The following SIGIRR variants were observed in gnomAD, a reference collection of about 807,000 sequenced individuals.
The protein encoded by SIGIRR is single Ig and TIR domain containing, also known as single Ig IL-1-related receptor.
SIGIRR carries 41 observed loss-of-function variants against 45.6 expected under a neutral mutation model. The ratio of observed to expected loss-of-function variants is 0.90; its 90% CI spans 0.70 to 1.17. The LOEUF (loss-of-function observed/expected upper bound fraction) is 1.17, where lower values mean the gene tolerates loss of function less well. Among genes scored for constraint, SIGIRR ranks in the 50% most tolerant of loss-of-function variants. The probability of loss-of-function intolerance (pLI) is 0.00; values close to 1 mark genes in which losing one functional copy is unlikely to be tolerated. For synonymous variants in SIGIRR, 298 were observed against 239.0 expected, an observed-to-expected ratio of 1.25 and a Z score of -2.28; for missense variants, 599 against 539.6, an observed-to-expected ratio of 1.11 and a Z score of -1.09.
rs535339172 is a variant in SIGIRR, at chr11:414,536, C to A, written c.-154+287G>T. On this transcript the variant is annotated intron_variant, in intron 1 of 9. Coordinates refer to ENST00000431843, the MANE Select transcript of SIGIRR (RefSeq NM_001135054.2). ...CACACTTCCTACCACACACACCTCC[C>A]ATTACCACTGCACACAGCTTAGGCT... 3.3e-5 allele frequency among the ~76,000 whole-genome samples: 5 copies of A among 152,226 alleles called. No homozygotes were observed. In the East Asian group the frequency reaches 9.7e-4, roughly 30 times the overall value.
At chr11:415,168 GC>G (rs1402007148), upstream of SIGIRR, among the ~76,000 whole-genome samples, 2 of 145,944 alleles carry the variant, frequency 1.4e-5, no homozygotes, top group Non-Finnish European at 3.0e-5. This position sits in a 1 kb window ranked among gnomAD's most constrained non-coding sequence, Gnocchi z 6.6. Flanking sequence ...TCTGGAGCCC[GC>G]CCCAACCCAC....
At chr11:410,745 G>GT (rs1847567663) in intron 1 of SIGIRR, among the ~76,000 whole-genome samples, 2 of 88,912 alleles carry the variant, frequency 2.2e-5, no homozygotes, top group East Asian at 3.6e-4. Context: ...GATGCAGTCG[G>GT]GGGGTGCCCA....
chr11:410,716 C>T (rs1299518975), intron 1 of SIGIRR, among the ~76,000 whole-genome samples: 1 of 91,064 alleles, frequency 1.1e-5, no homozygotes, highest in African/African-American at 4.7e-5. Context: ...AGGGGGTTGC[C>T]CAGCTCTGAC....
Position 407,111 on chromosome 11 carries a change from C to CCT in SIGIRR, c.678_679insAG (p.Val227ArgfsTer8). 2 of 1,538,460 alleles carry CCT rather than the reference C, an allele frequency of 1.3e-6. No individual in the cohort carries two copies. Among genetic ancestry groups the CCT allele is most frequent in the Admixed American group, 3.8e-5 (2 of 52,182 alleles). The stretch of plus-strand genomic sequence containing the variant: ...CGGCTCAGGAAGGCGTCCGAAAGCA[C>CCT]CACGATGAGGCGTCGGCAGCGGCTC... On this transcript the variant is annotated frameshift_variant, in exon 7 of 10. Coordinates refer to ENST00000431843, the MANE Select transcript of SIGIRR (RefSeq NM_001135054.2). LOFTEE classifies it high-confidence loss of function.
chr11:406,510 A>G lies in SIGIRR; in HGVS notation c.908T>C (p.Val303Ala), dbSNP rs773229744. ...VTPSSDFWKE[V>A]QLALPRKVQY... ...CACCTTCCGCGGCAGCGCCAGCTGCACTTCTTTCCAAAAATCGGAGGAAGG... is the reference window on the plus strand; with the variant it reads ...CACCTTCCGCGGCAGCGCCAGCTGCGCTTCTTTCCAAAAATCGGAGGAAGG... The change falls in exon 9 of 10, where the codon GTG becomes GCG. Residue 303 changes from valine (V) to alanine (A), a missense_variant. Coordinates refer to ENST00000431843, the MANE Select transcript of SIGIRR (RefSeq NM_001135054.2). 3.1e-6 allele frequency: 5 copies of G among 1,610,138 alleles called. No individual in the cohort carries two copies. Among genetic ancestry groups the G allele is most frequent in the Non-Finnish European group, 4.2e-6 (5 of 1,177,890 alleles).
rs1476228917 is a variant in SIGIRR, at chr11:407,806, G to A, written c.481+11C>T. 2 of 1,612,298 alleles carry A rather than the reference G, an allele frequency of 1.2e-6. No individual in the cohort carries two copies. Among genetic ancestry groups the A allele is most frequent in the Non-Finnish European group, 1.7e-6 (2 of 1,179,800 alleles). On this transcript the variant is annotated intron_variant, in intron 5 of 9. Transcript: ENST00000431843. The stretch of plus-strand genomic sequence containing the variant: ...GCGACCCCTCCTCGCGCCCACGCGG[G>A]CCCCACGCACCGTTTATCTCCACCT...
upstream of SIGIRR, among the ~76,000 whole-genome samples, chr11:416,251 C>T (rs1045037719): frequency 1.3e-5 from 2 of 152,150 alleles, no homozygotes; most frequent in African/African-American, 4.8e-5. The surrounding 1 kb of genome is among the most constrained non-coding windows in gnomAD (Gnocchi z 9.1). Context: ...TGGGGTCAGC[C>T]GCCAACTGTG....
Position 406,361 on chromosome 11 carries a change from C to G in SIGIRR, c.1057G>C (p.Glu353Gln). Residue 353 changes from glutamate (E) to glutamine (Q), a missense_variant, in exon 9 of 10, where the codon GAG becomes CAG. Coordinates refer to ENST00000431843, the MANE Select transcript of SIGIRR (RefSeq NM_001135054.2). ...TGGGCGGGCATACCCAGGTCGCCCT[C>G]AGGGTCCGGGTCCACCTCTGAGTCC... ...ALDSEVDPDP[E>Q]GDLGVRGPVF... is the part of the protein sequence containing the mutation. The G allele has an allele frequency of 6.2e-7, 1 of 1,612,492 alleles. No homozygotes were observed. The highest frequency in any genetic ancestry group is 1.3e-5 in the African/African-American group (1 of 75,054).
chr11:414,547 C>A (rs965164934), intron 1 of SIGIRR, among the ~76,000 whole-genome samples: 1 of 152,154 alleles, frequency 6.6e-6, no homozygotes, highest in Non-Finnish European at 1.5e-5. Context: ...ATTACCACTG[C>A]ACACAGCTTA....
chr11:408,711 G>A lies in SIGIRR; in HGVS notation c.190C>T (p.Leu64Phe), dbSNP rs540459944. 55 of 1,612,730 alleles carry A rather than the reference G, an allele frequency of 3.4e-5. 1 individual carries two copies. In the South Asian group the frequency reaches 5.7e-4, roughly 17 times the overall value. The stretch of plus-strand genomic sequence containing the variant: ...GTCTCTTACCAGGAGTACTCGTGGA[G>A]GCTGTAGTGGCCCCCAATTCCCAAT... The part of the protein sequence containing the change: ...LPLGIGGHYS[L>F]HEYSWVKANL... The change falls in exon 3 of 10, where the codon CTC becomes TTC. Residue 64 changes from leucine to phenylalanine, a missense_variant. By Grantham distance (22) the Leu-to-Phe change is conservative. Coordinates refer to ENST00000431843, the MANE Select transcript of SIGIRR (RefSeq NM_001135054.2).
chr11:408,465 A>T (rs188258281), intron 3 of SIGIRR, among the ~76,000 whole-genome samples: 124 of 152,152 alleles, frequency 8.1e-4, no homozygotes, highest in Admixed American at 3.6e-3. Flanking sequence ...CAGACCCTAG[A>T]CTTTGCTGAC....
At chr11:413,870 CCCCCTGCACCCTCTCCCCTCCCCACCTT>C (rs1847789322) in intron 1 of SIGIRR, among the ~76,000 whole-genome samples, 2 of 97,022 alleles carry the variant, frequency 2.1e-5, no homozygotes, top group Admixed American at 1.1e-4. Context: ...CTGCCTGCCT[CCCCCTGCACCCTCTCCCCTCCCCACCTT>C]CCCCTGCACC....
Position 407,114 on chromosome 11 carries a change from C to CG in SIGIRR, c.675dup (p.Val226ArgfsTer115). ...CTCAGGAAGGCGTCCGAAAGCACCA[C>CG]GATGAGGCGTCGGCAGCGGCTCAGG... On this transcript the variant is annotated frameshift_variant, in exon 7 of 10. Coordinates refer to ENST00000431843, the MANE Select transcript of SIGIRR (RefSeq NM_001135054.2). LOFTEE classifies it high-confidence loss of function. 4.5e-6 allele frequency: 7 copies of CG among 1,543,312 alleles called. No homozygotes were observed. Among genetic ancestry groups the CG allele is most frequent in the Admixed American group, 3.8e-5 (2 of 52,912 alleles).
rs1419000818 is a variant in SIGIRR, at chr11:406,552, C to T, written c.880-14G>A. On this transcript the variant is annotated splice_polypyrimidine_tract_variant and intron_variant, in intron 8 of 9. Coordinates refer to ENST00000431843, the MANE Select transcript of SIGIRR (RefSeq NM_001135054.2). ...GGAGGAAGGAGTCTGGGGGCCAGGT[C>T]GGGGCGGTTTGCAGGTGTGAACACC... 2.5e-6 allele frequency: 4 copies of T among 1,601,386 alleles called. No individual in the cohort carries two copies. Among genetic ancestry groups the T allele is most frequent in the Non-Finnish European group, 3.4e-6 (4 of 1,173,178 alleles).
rs1847521346 is a variant in SIGIRR, at chr11:410,168, G to A, written c.-153-141C>T. On this transcript the variant is annotated intron_variant, in intron 1 of 9. Coordinates refer to ENST00000431843, the MANE Select transcript of SIGIRR (RefSeq NM_001135054.2). Reference sequence around the variant, plus strand: ...CTGGCAGAGTTCTCGGAGGCCAGCAGGGTGTCTCTTTGAGCCCCTCACACG... The same window carrying A: ...CTGGCAGAGTTCTCGGAGGCCAGCAAGGTGTCTCTTTGAGCCCCTCACACG... 6 of 744,128 alleles carry A rather than the reference G, an allele frequency of 8.1e-6. No homozygotes were observed. In the East Asian group the frequency reaches 2.1e-4, roughly 26 times the overall value. 46.1% of individuals were successfully genotyped at this position (744,128 alleles called of 1,614,324 possible). A position where few individuals can be genotyped will look rare whatever the true frequency, so the allele number is the denominator to read the frequency against.
upstream of SIGIRR, among the ~76,000 whole-genome samples, chr11:415,622 C>T (rs1370901438): frequency 6.6e-6 from 1 of 152,196 alleles, no homozygotes; most frequent in East Asian, 1.9e-4. The surrounding 1 kb of genome is among the most constrained non-coding windows in gnomAD (Gnocchi z 6.6). Context: ...ATAGCTCCCC[C>T]GATGGGTGAG....
Position 409,900 on chromosome 11 carries a change from G to A in SIGIRR, c.-26C>T, listed in dbSNP as rs1847509495. 4 of 1,309,520 alleles carry A rather than the reference G, an allele frequency of 3.1e-6. No homozygotes were observed. The highest frequency in any genetic ancestry group is 5.2e-5 in the South Asian group (2 of 38,658). 81.1% of individuals were successfully genotyped at this position (1,309,520 alleles called of 1,614,324 possible). ...GGCTCTGAGCCGGGGCCTCCTCGGG[G>A]CAGGCTGGGCTCCAGGGTCACCCCT... On this transcript the variant is annotated 5_prime_UTR_variant, in exon 2 of 10. Coordinates refer to ENST00000431843, the MANE Select transcript of SIGIRR (RefSeq NM_001135054.2).
At chr11:407,779 T>C (rs765342442) in intron 5 of SIGIRR, 38 bp downstream of exon 5, 5 of 1,610,558 alleles carry the variant, frequency 3.1e-6, no homozygotes, top group Non-Finnish European at 4.2e-6. Context: ...AGGGAGGCCG[T>C]GGCGACCCCT....
At chr11:411,635 C>T (rs1847629954) in intron 1 of SIGIRR, among the ~76,000 whole-genome samples, 6 of 71,758 alleles carry the variant, frequency 8.4e-5, no homozygotes, top group African/African-American at 2.6e-4. Flanking sequence ...TGGATGCAGT[C>T]GGGGGGTGCC....
Sources: gnomAD v4.1 joint callset for allele counts (sites outside exome capture counted in the v4.1 genomes callset) on GRCh38, gnomAD v4.1.1 for gene constraint, Gnocchi (gnomAD v3.1) non-coding constraint, MANE v1.5 for transcripts, NCBI Gene and HGNC (gene_info 2026-07-23, HGNC 2026-07-21) for gene names.